The following EPS15L1 variants were observed in gnomAD, a reference collection of about 807,000 sequenced individuals.
The protein encoded by EPS15L1 is epidermal growth factor receptor substrate 15-like 1.
EPS15L1 carries 43 observed loss-of-function variants against 117.1 expected under a neutral mutation model. The ratio of observed to expected loss-of-function variants is 0.37; its 90% CI spans 0.29 to 0.47. EPS15L1 has a LOEUF of 0.47. EPS15L1 is among the 20% of genes least tolerant of loss of function. The pLI, the probability that EPS15L1 is intolerant of heterozygous loss-of-function variation, is 0.99. For missense variants in EPS15L1, 981 were observed against 1,164.0 expected, an observed-to-expected ratio of 0.84 and a Z score of 2.29; for synonymous variants, 459 against 470.5, an observed-to-expected ratio of 0.98 and a Z score of 0.32.
chr19:16,419,596 C>A (rs2092794754), intron 10 of EPS15L1, among the ~76,000 whole-genome samples: 1 of 152,104 alleles, frequency 6.6e-6, no homozygotes, highest in South Asian at 2.1e-4. Flanking sequence ...CGTTTCCCAC[C>A]TCCCGTGTAG....
intron 22 of EPS15L1, among the ~76,000 whole-genome samples, chr19:16,366,037 G>A (rs1333820426): frequency 6.6e-6 from 1 of 152,246 alleles, no homozygotes; most frequent in Non-Finnish European, 1.5e-5. Context: ...TACTGTGCAT[G>A]CTTGGGTATT....
rs564652952 is a variant in EPS15L1 at position 16,421,900 on chromosome 19, G to A, written c.793-424C>T. ...CCCTGGTCCTCCCACTCCTCAGCCCGCAAAGGCTGCCCTACAGGCAGCCAA... is the reference window on the plus strand; with the variant it reads ...CCCTGGTCCTCCCACTCCTCAGCCCACAAAGGCTGCCCTACAGGCAGCCAA... On this transcript the variant is annotated intron_variant, in intron 9 of 23. Coordinates refer to ENST00000455140, the MANE Select transcript of EPS15L1 (RefSeq NM_001258374.3). 5.3e-5 allele frequency among the ~76,000 whole-genome samples: 8 copies of A among 152,236 alleles called. No individual in the cohort carries two copies. The South Asian group carries it at 1.2e-3, about 24-fold the overall frequency.
chr19:16,397,768 A>G (rs1301498161), intron 16 of EPS15L1, among the ~76,000 whole-genome samples: 1 of 152,160 alleles, frequency 6.6e-6, no homozygotes, highest in Non-Finnish European at 1.5e-5. Context: ...TGAAGAGCAC[A>G]TTTTTGTAAT....
At chr19:16,443,189 T>C (rs1017734562) in intron 1 of EPS15L1, among the ~76,000 whole-genome samples, 8 of 152,188 alleles carry the variant, frequency 5.3e-5, no homozygotes, top group Non-Finnish European at 1.0e-4. Context: ...ACAGAATGGA[T>C]GTGTAAACAG....
chr19:16,426,981 G>A (rs78132037), intron 8 of EPS15L1, among the ~76,000 whole-genome samples: 11,792 of 152,214 alleles, frequency 0.077, 596 homozygotes, highest in Non-Finnish European at 0.12. Flanking sequence ...TAGGAAATAC[G>A]CACTGAAGTG....
At chr19:16,456,200 C>CAAAA (rs151032688) in intron 1 of EPS15L1, among the ~76,000 whole-genome samples, 3,894 of 152,064 alleles carry the variant, frequency 0.026, 128 homozygotes, top group Admixed American at 0.088. Context: ...AACCCTGTCT[C>CAAAA]AAACAAACAA....
At position 16,402,380 on chromosome 19, in the gene EPS15L1, C is replaced by T. The variant is rs138975721; in HGVS notation, c.1732G>A (p.Asp578Asn). 4.1e-5 allele frequency: 66 copies of T among 1,614,090 alleles called. 1 individual carries two copies. The African/African-American group carries it at 5.6e-4, about 14-fold the overall frequency. ...LDGAHGASLT[D>N]LANLSEGVSL... ...ACGCCTTCGCTCAGGTTGGCCAGGT[C>T]GGTCAGGCTGGCACCATGGGCTCCA... Residue 578 changes from aspartate to asparagine, a missense_variant, in exon 16 of 24, where the codon GAC (aspartate) becomes AAC (asparagine). Transcript: ENST00000455140.
At chr19:16,407,284 CCCTTT>C (rs2092665989) in intron 13 of EPS15L1, among the ~76,000 whole-genome samples, 2 of 152,124 alleles carry the variant, frequency 1.3e-5, no homozygotes, top group Admixed American at 1.3e-4. Context: ...GCTCTCCCTT[CCCTTT>C]CTTCTCCCCA....
At chr19:16,453,063 G>A (rs1266562309) in intron 1 of EPS15L1, among the ~76,000 whole-genome samples, 1 of 151,950 alleles carries the variant, frequency 6.6e-6, no homozygotes, top group Non-Finnish European at 1.5e-5. Context: ...GTCTCCCAAA[G>A]TGCTGGGATT....
rs747801655 is a variant in EPS15L1, at chr19:16,428,779, G to A, written c.499-18C>T. On this transcript the variant is annotated intron_variant, in intron 7 of 23. Transcript: ENST00000455140. ...TCCCAGACCTGCAAGGGAGAGACCA[G>A]CATGGGTAACTGTGGGAGGAAGGAC... The A allele has an allele frequency of 6.2e-6, 10 of 1,601,962 alleles. 1 individual carries two copies. In the South Asian group the frequency reaches 1.1e-4, roughly 18 times the overall value.
In EPS15L1 at chr19:16,355,470, A is replaced by G; in HGVS notation, c.*235T>C. 3 of 485,564 alleles carry G rather than the reference A, an allele frequency of 6.2e-6. No homozygotes were observed. Among genetic ancestry groups the G allele is most frequent in the South Asian group, 3.9e-5 (1 of 25,760 alleles). 30.1% of individuals were successfully genotyped at this position (485,564 alleles called of 1,614,324 possible). On this transcript the variant is annotated 3_prime_UTR_variant, in exon 24 of 24. Coordinates refer to ENST00000455140, the MANE Select transcript of EPS15L1 (RefSeq NM_001258374.3). ...CGGGAGGCAGTCAGCCCCGGGGGGGATGGCACAGTGGAGAGACGGACCTGC... is the reference window on the plus strand; with the variant it reads ...CGGGAGGCAGTCAGCCCCGGGGGGGGTGGCACAGTGGAGAGACGGACCTGC...
intron 4 of EPS15L1, among the ~76,000 whole-genome samples, chr19:16,438,757 C>T (rs1223054109): frequency 6.6e-6 from 1 of 152,124 alleles, no homozygotes; most frequent in Non-Finnish European, 1.5e-5. Context: ...GTCTCAAATT[C>T]CTGTCCTCCT....
At chr19:16,367,522 A>AAC (rs2092152441) in intron 22 of EPS15L1, among the ~76,000 whole-genome samples, 1 of 149,478 alleles carries the variant, frequency 6.7e-6, no homozygotes, top group African/African-American at 2.4e-5. Context: ...AAAAAAAAAA[A>AAC]AAAACTTGGT....
chr19:16,442,667 G>A (rs1022365662), intron 1 of EPS15L1, among the ~76,000 whole-genome samples: 1 of 152,156 alleles, frequency 6.6e-6, no homozygotes, highest in African/African-American at 2.4e-5. Context: ...TCCCTGGCCT[G>A]GGTCTGGTTC....
intron 23 of EPS15L1, among the ~76,000 whole-genome samples, chr19:16,359,997 C>T (rs1005937778): frequency 6.6e-6 from 1 of 151,280 alleles, no homozygotes; most frequent in Admixed American, 6.6e-5. Flanking sequence ...TATTTTAAAA[C>T]TGAAGTTAAC....
rs1568399426 is a variant in EPS15L1, at chr19:16,377,136, G to A, written c.2366C>T (p.Pro789Leu). 6.2e-7 allele frequency: 1 copy of A among 1,607,164 alleles called. No individual in the cohort carries two copies. The highest frequency in any genetic ancestry group is 8.5e-7 in the Non-Finnish European group (1 of 1,177,432). ...AGCTTACTGACCGCTGGGCGGTTTAGGCCGTGGAGGAGCAGGTTTCTTCGG... is the reference window on the plus strand; with the variant it reads ...AGCTTACTGACCGCTGGGCGGTTTAAGCCGTGGAGGAGCAGGTTTCTTCGG... ...LPPKKPAPPR[P>L]KPPSGKSTPV... Residue 789 changes from proline (P) to leucine (L), a missense_variant, in exon 22 of 24, where the codon CCT becomes CTT. Transcript: ENST00000455140.
chr19:16,393,573 C>T (rs1406066611), intron 18 of EPS15L1, among the ~76,000 whole-genome samples: 3 of 149,354 alleles, frequency 2.0e-5, no homozygotes, highest in Admixed American at 6.7e-5. Context: ...GGCGTGAACC[C>T]GGGAGGCGGA....
intron 1 of EPS15L1, among the ~76,000 whole-genome samples, chr19:16,464,120 T>C (rs10221451): frequency 0.062 from 9,393 of 152,278 alleles, 681 homozygotes; most frequent in African/African-American, 0.16. Flanking sequence ...CAGCCTGACC[T>C]GCAGGCAGTC....
At chr19:16,441,810 G>A (rs1302347662) in intron 3 of EPS15L1, 82 bp downstream of exon 3, 37 of 1,080,348 alleles carry the variant, frequency 3.4e-5, no homozygotes, top group Non-Finnish European at 4.5e-5. Context: ...CATGGAAGGA[G>A]GCCTGCACAG....
Sources: allele counts gnomAD v4.1 joint callset (sites outside exome capture counted in the v4.1 genomes callset), GRCh38; gene constraint gnomAD v4.1.1; transcripts MANE v1.5; gene names NCBI Gene and HGNC (gene_info 2026-07-23, HGNC 2026-07-21).